The following PLXNA4 variants were observed in gnomAD, a reference collection of about 807,000 sequenced individuals.
PLXNA4 encodes the protein plexin A4.
In PLXNA4, 44 loss-of-function variants were observed where a neutral mutation model predicts 191.8. That is an observed-to-expected ratio of 0.23 (90% confidence interval 0.18 to 0.29). The LOEUF (loss-of-function observed/expected upper bound fraction) is 0.29, where lower values mean the gene tolerates loss of function less well. PLXNA4 is among the 10% of genes least tolerant of loss of function. The pLI, the probability that PLXNA4 is intolerant of heterozygous loss-of-function variation, is 1.00. For synonymous variants in PLXNA4, 1,082 were observed against 1,009.5 expected (o/e 1.07, Z -1.36); for missense variants, 1,800 against 2,488.8 (o/e 0.72, Z 5.89).
rs146231795 is a variant in PLXNA4, at chr7:132,503,019, T to C, written c.1188+4487A>G. 5.8e-3 allele frequency among the ~76,000 whole-genome samples: 881 copies of C among 152,310 alleles called. 9 individuals are homozygous for C. Among genetic ancestry groups the C allele is most frequent in the African/African-American group, 0.021 (861 of 41,572 alleles). On this transcript the variant is annotated intron_variant, in intron 2 of 31. Transcript: ENST00000321063. ...ACAGGGAGATTGAGAAGCTGATTTC[T>C]GCACCTTCTGCATGCCACCTTTCTC...
At position 132,227,085 on chromosome 7, in the gene PLXNA4, G is replaced by T. The variant is rs916196419; in HGVS notation, c.1882+366C>A. Among the ~76,000 whole-genome samples, 3 of 152,308 alleles carry T rather than the reference G, an allele frequency of 2.0e-5. 1 individual carries two copies. In the South Asian group the frequency reaches 6.2e-4, roughly 32 times the overall value. Reference sequence around the variant, plus strand: ...AGAGATCGGCCATGTGAGCATCCCTGCTCCAGCTCAGTGGCCTCCTCCACT... The same window carrying T: ...AGAGATCGGCCATGTGAGCATCCCTTCTCCAGCTCAGTGGCCTCCTCCACT... On this transcript the variant is annotated intron_variant, in intron 7 of 31. Transcript: ENST00000321063.
At chr7:132,367,169 G>A (rs1190561698) in intron 3 of PLXNA4, among the ~76,000 whole-genome samples, 1 of 152,158 alleles carries the variant, frequency 6.6e-6, no homozygotes, top group East Asian at 1.9e-4. Flanking sequence ...TAGAGCAAGT[G>A]CAAGTTGCAA....
At chr7:132,243,998 G>A (rs1268765213) in intron 4 of PLXNA4, among the ~76,000 whole-genome samples, 3 of 152,024 alleles carry the variant, frequency 2.0e-5, no homozygotes, top group African/African-American at 4.8e-5. Context: ...GAAACCTGGA[G>A]TTATCTCATT....
chr7:132,219,870 A>T (rs896554482), intron 9 of PLXNA4, among the ~76,000 whole-genome samples: 1 of 152,190 alleles, frequency 6.6e-6, no homozygotes, highest in East Asian at 1.9e-4. Flanking sequence ...TGCAGTATTC[A>T]GTACAGTTAC....
chr7:132,206,753 T>C (rs1184799432), intron 10 of PLXNA4, among the ~76,000 whole-genome samples: 2 of 152,102 alleles, frequency 1.3e-5, no homozygotes, highest in Admixed American at 1.3e-4. Flanking sequence ...CCTCTCTGCC[T>C]CTGCAGACAG....
chr7:132,147,775 T>G, intron 27 of PLXNA4, 125 bp downstream of exon 27: 1 of 1,302,580 alleles, frequency 7.7e-7, no homozygotes, highest in Non-Finnish European at 1.1e-6. Context: ...TCTTCCCCGA[T>G]GGTCAGCCTG....
intron 14 of PLXNA4, among the ~76,000 whole-genome samples, chr7:132,189,056 G>A (rs58636464): frequency 0.11 from 10,969 of 100,822 alleles, 882 homozygotes; most frequent in African/African-American, 0.32. Flanking sequence ...GAGAGAGAGA[G>A]AGAGAGAGAG....
intron 3 of PLXNA4, among the ~76,000 whole-genome samples, chr7:132,451,218 A>G (rs766917437): frequency 6.6e-5 from 10 of 152,196 alleles, no homozygotes; most frequent in Admixed American, 2.6e-4. Context: ...CTGGTCCAGA[A>G]GTCTTCCCAT....
intron 1 of PLXNA4, among the ~76,000 whole-genome samples, chr7:132,562,604 CCTCCTT>C (rs1801261245): frequency 8.5e-6 from 1 of 117,506 alleles, no homozygotes; most frequent in Admixed American, 7.9e-5. Context: ...TCCTCCTCCT[CCTCCTT>C]CTCCTCCTCT....
intron 1 of PLXNA4, among the ~76,000 whole-genome samples, chr7:132,528,611 A>AT (rs374566289): frequency 3.5e-4 from 54 of 152,256 alleles, no homozygotes; most frequent in African/African-American, 1.2e-3. Flanking sequence ...CAGGAATATA[A>AT]TTTTTTTGCT....
chr7:132,177,759 G>C (rs1460349766), intron 20 of PLXNA4, among the ~76,000 whole-genome samples: 1 of 152,200 alleles, frequency 6.6e-6, no homozygotes, highest in Admixed American at 6.5e-5. Context: ...TTAGAGGAAA[G>C]AGTACATTGC....
At position 132,533,646 on chromosome 7, in the gene PLXNA4, C is replaced by T. The variant is rs184054473; in HGVS notation, c.-86-24867G>A. Among the ~76,000 whole-genome samples the T allele has an allele frequency of 7.0e-3, 1,073 of 152,346 alleles. 10 individuals are homozygous for T. The highest frequency in any genetic ancestry group is 0.028 in the South Asian group (136 of 4,824). ...AGTCTAAGAAACTGCAGCTGCCCTG[C>T]CCACCTCGGGGAGCTCTGATCAGTG... On this transcript the variant is annotated intron_variant, in intron 1 of 31. Coordinates refer to ENST00000321063, the MANE Select transcript of PLXNA4 (RefSeq NM_020911.2).
intron 1 of PLXNA4, among the ~76,000 whole-genome samples, chr7:132,551,214 T>A (rs1162000649): frequency 3.9e-5 from 6 of 152,126 alleles, no homozygotes; most frequent in African/African-American, 1.2e-4. Context: ...ACTCAGCAGC[T>A]TTCTTCACAC....
At chr7:132,495,134 CT>C in intron 2 of PLXNA4, among the ~76,000 whole-genome samples, 1 of 152,344 alleles carries the variant, frequency 6.6e-6, no homozygotes, top group African/African-American at 2.4e-5. Flanking sequence ...AAATCCTCCC[CT>C]GACCCCAGCC....
intron 3 of PLXNA4, among the ~76,000 whole-genome samples, chr7:132,425,953 C>T (rs1156245357): frequency 6.6e-6 from 1 of 152,196 alleles, no homozygotes; most frequent in African/African-American, 2.4e-5. Context: ...TCAGTGGCCC[C>T]AACTCCCTGT....
intron 3 of PLXNA4, among the ~76,000 whole-genome samples, chr7:132,308,869 G>C (rs964631058): frequency 6.6e-6 from 1 of 152,106 alleles, no homozygotes; most frequent in African/African-American, 2.4e-5. Flanking sequence ...CCCACTGAGA[G>C]CACAACCCTG....
intron 4 of PLXNA4, among the ~76,000 whole-genome samples, chr7:132,270,235 G>A (rs867254915): frequency 3.3e-5 from 5 of 152,260 alleles, no homozygotes; most frequent in African/African-American, 9.6e-5. Flanking sequence ...AATAATTGCC[G>A]TGCCTGGGAC....
intron 2 of PLXNA4, among the ~76,000 whole-genome samples, chr7:132,603,496 C>T (rs936157134): frequency 2.8e-4 from 43 of 152,274 alleles, no homozygotes; most frequent in African/African-American, 9.9e-4. Context: ...ATTCTGGTAC[C>T]AGCTTTGCCT....
At chr7:132,172,397 G>A (rs1027477824) in intron 21 of PLXNA4, among the ~76,000 whole-genome samples, 2 of 152,146 alleles carry the variant, frequency 1.3e-5, no homozygotes, top group Non-Finnish European at 2.9e-5. Context: ...CACTTGAGGG[G>A]GCTGGGTGAC....
Sources: allele counts gnomAD v4.1 joint callset (sites outside exome capture counted in the v4.1 genomes callset), GRCh38; gene constraint gnomAD v4.1.1; transcripts MANE v1.5; gene names NCBI Gene and HGNC (gene_info 2026-07-23, HGNC 2026-07-21).